DAB1: variants seen among roughly 807,000 people sequenced by gnomAD.
DAB1 encodes the protein disabled homolog 1.
DAB1 carries 15 observed loss-of-function variants against 64.6 expected under a neutral mutation model. The observed-to-expected ratio is 0.23, with a 90% CI of 0.16 to 0.36. The LOEUF (loss-of-function observed/expected upper bound fraction) is 0.36. Ranked by LOEUF, DAB1 falls within the 10% of genes least tolerant of loss-of-function variation. The pLI is 1.00. For missense variants in DAB1, 596 were observed against 706.7 expected, an observed-to-expected ratio of 0.84 and a Z score of 1.78; for synonymous variants, 235 against 251.9, an observed-to-expected ratio of 0.93 and a Z score of 0.64.
intron 7 of DAB1, among the ~76,000 whole-genome samples, chr1:57,590,383 G>A (rs553452389): frequency 8.6e-5 from 13 of 151,790 alleles, no homozygotes; most frequent in Admixed American, 2.0e-4. Flanking sequence ...GCAGTGGTGC[G>A]ATCTTGGCTC....
At chr1:57,497,080 C>G (rs1398973412) in intron 7 of DAB1, among the ~76,000 whole-genome samples, 1 of 152,176 alleles carries the variant, frequency 6.6e-6, no homozygotes, top group Non-Finnish European at 1.5e-5. Flanking sequence ...CTTTCCATAT[C>G]AGCTTTCTCA....
chr1:57,883,175 C>T (rs539098298), intron 1 of DAB1, among the ~76,000 whole-genome samples: 1 of 152,248 alleles, frequency 6.6e-6, no homozygotes, highest in East Asian at 1.9e-4. Flanking sequence ...AATACCAACC[C>T]CTCTTCTATT....
chr1:58,224,960 T>C (rs975257312), intron 4 of DAB1, among the ~76,000 whole-genome samples: 33 of 152,108 alleles, frequency 2.2e-4, no homozygotes, highest in Admixed American at 1.2e-3. Flanking sequence ...AATTGACAAA[T>C]CGGATCTAAT....
chr1:57,562,311 TG>T (rs2101508506), intron 7 of DAB1, among the ~76,000 whole-genome samples: 1 of 152,284 alleles, frequency 6.6e-6, no homozygotes, highest in African/African-American at 2.4e-5. Flanking sequence ...AGACAGAGGT[TG>T]CAATGAGCTG....
chr1:58,243,666 G>A (rs1660401033), intron 4 of DAB1, among the ~76,000 whole-genome samples: 1 of 152,176 alleles, frequency 6.6e-6, no homozygotes, highest in Non-Finnish European at 1.5e-5. Context: ...ATTTCAATCT[G>A]AGAAACATTC....
intron 7 of DAB1, among the ~76,000 whole-genome samples, chr1:57,562,283 G>A (rs1030151664): frequency 3.3e-5 from 5 of 152,210 alleles, no homozygotes; most frequent in African/African-American, 1.2e-4. Flanking sequence ...TGAGGCAGGG[G>A]AATCGCTTGG....
At chr1:57,549,722 C>T (rs957156722) in intron 7 of DAB1, among the ~76,000 whole-genome samples, 2 of 152,196 alleles carry the variant, frequency 1.3e-5, no homozygotes, top group African/African-American at 4.8e-5. Flanking sequence ...AGACCTTATT[C>T]AGGTCAGCAT....
At chr1:57,572,386 T>A (rs1441044372) in intron 7 of DAB1, among the ~76,000 whole-genome samples, 12 of 152,152 alleles carry the variant, frequency 7.9e-5, no homozygotes, top group Non-Finnish European at 5.9e-5. Flanking sequence ...ATAATTTTTG[T>A]GAGGTGTTTG....
intron 1 of DAB1, among the ~76,000 whole-genome samples, chr1:57,296,511 C>T (rs1405288456): frequency 6.6e-6 from 1 of 151,834 alleles, no homozygotes; most frequent in Non-Finnish European, 1.5e-5. Context: ...CAAAATGAGC[C>T]TGAAATATCT....
intron 11 of DAB1, among the ~76,000 whole-genome samples, chr1:57,020,648 T>A (rs1646584010): frequency 6.6e-6 from 1 of 152,212 alleles, no homozygotes; most frequent in South Asian, 2.1e-4. Context: ...ATTCATCTAC[T>A]GTAGAAATCA....
intron 4 of DAB1, among the ~76,000 whole-genome samples, chr1:58,342,430 C>G (rs1018670232): frequency 8.5e-5 from 13 of 152,164 alleles, no homozygotes; most frequent in Non-Finnish European, 1.2e-4. Context: ...TCAGCAACAT[C>G]CTAATGAGAA....
rs943903161 is a variant in DAB1, at chr1:57,061,231, G to C, written c.723+1653C>G. 6.6e-4 allele frequency among the ~76,000 whole-genome samples: 60 copies of C among 90,604 alleles called. 1 individual carries two copies. The highest frequency in any genetic ancestry group is 2.2e-3 in the African/African-American group (55 of 25,254). 59.4% of individuals were successfully genotyped at this position (90,604 alleles called of 152,430 possible). A position where few individuals can be genotyped will look rare whatever the true frequency, so the allele number is the denominator to read the frequency against. On this transcript the variant is annotated intron_variant, in intron 9 of 14. Transcript: ENST00000371236. ...GGTTTCAGAAGCCATATTTAGATGG[G>C]GGGGGGGGGTGGTTTCAAGATCCTG...
intron 2 of DAB1, among the ~76,000 whole-genome samples, chr1:57,171,316 T>C (rs1215568480): frequency 2.0e-5 from 3 of 152,134 alleles, no homozygotes; most frequent in Admixed American, 6.5e-5. Context: ...TCAATTAATA[T>C]GAATAAGTGA....
At chr1:57,518,840 T>G (rs1291407732) in intron 7 of DAB1, among the ~76,000 whole-genome samples, 1 of 152,230 alleles carries the variant, frequency 6.6e-6, no homozygotes, top group African/African-American at 2.4e-5. Flanking sequence ...AAAGGCCTAT[T>G]ATGTTAGTAA....
intron 7 of DAB1, among the ~76,000 whole-genome samples, chr1:57,520,951 A>G (rs1644518766): frequency 6.6e-6 from 1 of 152,084 alleles, no homozygotes; most frequent in Admixed American, 6.5e-5. Flanking sequence ...TGGCCATGAA[A>G]GGTAATGTCT....
intron 2 of DAB1, among the ~76,000 whole-genome samples, chr1:57,280,538 G>A (rs988476530): frequency 6.6e-6 from 1 of 152,178 alleles, no homozygotes; most frequent in Admixed American, 6.5e-5. Flanking sequence ...GCATATCAAG[G>A]ACTCAGAGGG....
At chr1:58,488,981 T>C (rs6658743) in intron 3 of DAB1, among the ~76,000 whole-genome samples, 17,624 of 152,266 alleles carry the variant, frequency 0.12, 1,215 homozygotes, top group African/African-American at 0.18. Context: ...GATGGCCAAA[T>C]AGGAACAGCT....
At chr1:58,103,238 A>C (rs1651428764) in intron 5 of DAB1, among the ~76,000 whole-genome samples, 1 of 152,216 alleles carries the variant, frequency 6.6e-6, no homozygotes, top group Non-Finnish European at 1.5e-5. Context: ...CTTGCATCAA[A>C]AGTAACTTAC....
chr1:57,100,669 C>T (rs498566), intron 4 of DAB1, among the ~76,000 whole-genome samples: 62,097 of 151,102 alleles, frequency 0.41, 13,683 homozygotes, highest in East Asian at 0.88. Context: ...TTCCTAATTC[C>T]GCCTAGTGGC....
Sources: gnomAD v4.1 joint callset for allele counts (sites outside exome capture counted in the v4.1 genomes callset) on GRCh38, gnomAD v4.1.1 for gene constraint, MANE v1.5 for transcripts, NCBI Gene and HGNC (gene_info 2026-07-23, HGNC 2026-07-21) for gene names.